SPECC1L: variants seen among roughly 807,000 people sequenced by gnomAD.
SPECC1L encodes the protein sperm antigen with calponin homology and coiled-coil domains 1 like, also known as cytospin-A.
A neutral mutation model predicts 116.8 loss-of-function variants in SPECC1L; 40 were observed. That is an observed-to-expected ratio of 0.34 (90% CI 0.27 to 0.45). The LOEUF (loss-of-function observed/expected upper bound fraction) is 0.45. Ranked by LOEUF, SPECC1L falls within the 20% of genes least tolerant of loss-of-function variation. The probability of loss-of-function intolerance (pLI) is 1.00; values close to 1 mark genes in which losing one functional copy is unlikely to be tolerated. For synonymous variants in SPECC1L, 504 were observed against 500.6 expected (o/e 1.01, Z -0.09); for missense variants, 1,110 against 1,373.6 (o/e 0.81, Z 3.03).
chr22:24,302,075 T>C (rs1398365544), intron 2 of SPECC1L, 120 bp from the exon 3 acceptor site: 2 of 826,200 alleles, frequency 2.4e-6, no homozygotes, highest in Non-Finnish European at 1.9e-6. Flanking sequence ...TTTTCAACTT[T>C]TCTGTAGTGA....
intron 10 of SPECC1L, chr22:24,343,456 TTTTTG>T (rs1023734904): frequency 6.7e-5 from 30 of 448,722 alleles, no homozygotes; most frequent in Middle Eastern, 6.9e-4. Context: ...TTGTGTTTTT[TTTTTG>T]TTTTGTTTTG....
rs75199755 is a variant in SPECC1L, at chr22:24,383,955, A to G, written c.3087+14635A>G. ...GGCGTGAGCCACCGTGCCTGGCCCA[A>G]TGAAAATTTAAGGACTAAAAAATTC... On this transcript the variant is annotated intron_variant, in intron 14 of 16. Coordinates refer to ENST00000314328, the MANE Select transcript of SPECC1L (RefSeq NM_015330.6). Among the ~76,000 whole-genome samples the G allele has an allele frequency of 1.5e-3, 235 of 151,826 alleles. No individual in the cohort carries two copies. In the Middle Eastern group the frequency reaches 0.017, roughly 11 times the overall value.
At chr22:24,289,959 C>G (rs2049126235) in intron 2 of SPECC1L, among the ~76,000 whole-genome samples, 1 of 152,202 alleles carries the variant, frequency 6.6e-6, no homozygotes, top group African/African-American at 2.4e-5. Flanking sequence ...ACCCCCGGCT[C>G]TCTCCCCTTC....
rs1469923116 is a variant in SPECC1L, at chr22:24,415,169, C to T, written c.*546C>T. ...CACCACAGACGTGGGTCAGCTGCCC[C>T]ACACCTGACGGGGCTGTCCCGGCCG... is the stretch of plus-strand genomic sequence containing the variant. On this transcript the variant is annotated 3_prime_UTR_variant, in exon 17 of 17. Transcript: ENST00000314328. 1 of 180,116 alleles carries T rather than the reference C, an allele frequency of 5.6e-6. No individual in the cohort carries two copies. The highest frequency in any genetic ancestry group is 2.3e-5 in the African/African-American group (1 of 42,574). 11.2% of individuals were successfully genotyped at this position (180,116 alleles called of 1,614,324 possible).
chr22:24,328,978 T>C, intron 7 of SPECC1L, 59 bp downstream of exon 7: 1 of 1,256,388 alleles, frequency 8.0e-7, no homozygotes, highest in Non-Finnish European at 1.2e-6. Context: ...ATCTGAGGTG[T>C]AGTCATTGAC....
intron 4 of SPECC1L, among the ~76,000 whole-genome samples, chr22:24,315,911 C>T (rs1404983146): frequency 6.6e-6 from 1 of 152,212 alleles, no homozygotes; most frequent in Admixed American, 6.5e-5. Context: ...GTCCTCATCT[C>T]CTCCTCTTAC....
intron 14 of SPECC1L, among the ~76,000 whole-genome samples, chr22:24,393,595 T>C (rs1191198819): frequency 6.6e-6 from 1 of 152,186 alleles, no homozygotes; most frequent in Non-Finnish European, 1.5e-5. Context: ...GTTAAAAAGC[T>C]CTAAAACAGA....
At chr22:24,299,183 A>G (rs952516929) in intron 2 of SPECC1L, among the ~76,000 whole-genome samples, 1 of 152,160 alleles carries the variant, frequency 6.6e-6, no homozygotes, top group African/African-American at 2.4e-5. Context: ...TTTATATTAT[A>G]GTTGCTGTGT....
chr22:24,302,085 A>G, intron 2 of SPECC1L, 110 bp from the exon 3 acceptor site: 1 of 842,096 alleles, frequency 1.2e-6, no homozygotes, highest in South Asian at 1.6e-5. Flanking sequence ...TTCTGTAGTG[A>G]CATCTAGCTT....
At chr22:24,327,277 CAAAAAAAAAAAA>C (rs58725731) in intron 6 of SPECC1L, among the ~76,000 whole-genome samples, 1 of 41,958 alleles carries the variant, frequency 2.4e-5, no homozygotes, top group Non-Finnish European at 4.8e-5. Context: ...GACTCCGTCT[CAAAAAAAAAAAA>C]AAAAAAAAAA....
chr22:24,390,863 T>C (rs2042251082), intron 14 of SPECC1L, among the ~76,000 whole-genome samples: 1 of 71,736 alleles, frequency 1.4e-5, no homozygotes, highest in Non-Finnish European at 3.0e-5. Context: ...TTTTTTTTTT[T>C]TTTCTTTTCT....
At chr22:24,386,853 C>T (rs986561128) in intron 14 of SPECC1L, among the ~76,000 whole-genome samples, 2 of 152,136 alleles carry the variant, frequency 1.3e-5, no homozygotes, top group African/African-American at 4.8e-5. Context: ...ATCAGCCCAC[C>T]TCGGCCTCCT....
intron 2 of SPECC1L, among the ~76,000 whole-genome samples, chr22:24,294,575 G>A (rs1324231695): frequency 6.6e-6 from 1 of 151,602 alleles, no homozygotes; most frequent in Admixed American, 6.6e-5. Context: ...TAGAGACAGG[G>A]TTTCACCATG....
chr22:24,324,680 G>A (rs1355683625), intron 6 of SPECC1L, among the ~76,000 whole-genome samples: 2 of 152,042 alleles, frequency 1.3e-5, no homozygotes, highest in Non-Finnish European at 2.9e-5. Flanking sequence ...GTAAAACCCC[G>A]TATCTACTAA....
At chr22:24,334,081 C>T (rs541685023) in intron 8 of SPECC1L, among the ~76,000 whole-genome samples, 4 of 149,058 alleles carry the variant, frequency 2.7e-5, no homozygotes, top group African/African-American at 7.5e-5. Context: ...GGCACTATCT[C>T]GGCTCACTGC....
At chr22:24,374,478 C>T (rs868268328) in intron 14 of SPECC1L, among the ~76,000 whole-genome samples, 238 of 151,530 alleles carry the variant, frequency 1.6e-3, no homozygotes, top group Admixed American at 2.9e-3. Flanking sequence ...TGTAGGGACA[C>T]GGATGAAGCT....
chr22:24,373,148 G>A lies in SPECC1L; in HGVS notation c.3087+3828G>A, dbSNP rs544654575. Among the ~76,000 whole-genome samples the A allele has an allele frequency of 3.9e-4, 60 of 152,174 alleles. No homozygotes were observed. The South Asian group carries it at 9.6e-3, about 24-fold the overall frequency. On this transcript the variant is annotated intron_variant, in intron 14 of 16. Coordinates refer to ENST00000314328, the MANE Select transcript of SPECC1L (RefSeq NM_015330.6). ...AGAGGATACAAACAAATGGAAGAAC[G>A]TTCCATGCTCATGGGTAGGAAGAAT...
At chr22:24,303,924 A>G (rs796415959) in intron 3 of SPECC1L, among the ~76,000 whole-genome samples, 1 of 151,310 alleles carries the variant, frequency 6.6e-6, no homozygotes, top group East Asian at 1.9e-4. Context: ...CTATTTGGCA[A>G]CACTTTTCCT....
intron 14 of SPECC1L, among the ~76,000 whole-genome samples, chr22:24,370,388 T>C (rs1159092014): frequency 2.0e-5 from 3 of 152,058 alleles, no homozygotes; most frequent in Non-Finnish European, 4.4e-5. Context: ...AAAAAGAATC[T>C]CCATGCCAGC....
Sources: allele counts gnomAD v4.1 joint callset (sites outside exome capture counted in the v4.1 genomes callset), GRCh38; gene constraint gnomAD v4.1.1; transcripts MANE v1.5; gene names NCBI Gene and HGNC (gene_info 2026-07-23, HGNC 2026-07-21).